TNFRSF10B: variants seen among roughly 807,000 people sequenced by gnomAD.
The protein encoded by TNFRSF10B is TNF receptor superfamily member 10b, also known as tumor necrosis factor receptor superfamily member 10B.
A neutral mutation model predicts 41.4 loss-of-function variants in TNFRSF10B; 35 were observed. That is an observed-to-expected ratio of 0.85 (90% CI 0.65 to 1.12). TNFRSF10B has a LOEUF of 1.12. TNFRSF10B is among the 50% of genes most tolerant of loss of function. TNFRSF10B has a pLI of 0.00. For missense variants in TNFRSF10B, 584 were observed against 552.7 expected (o/e 1.06, Z -0.57); for synonymous variants, 230 against 215.5 (o/e 1.07, Z -0.59).
At chr8:23,023,696 T>C (rs932098460) in intron 8 of TNFRSF10B, among the ~76,000 whole-genome samples, 1 of 152,250 alleles carries the variant, frequency 6.6e-6, no homozygotes. Context: ...TGTATGGTAC[T>C]GAATATATTT....
intron 1 of TNFRSF10B, among the ~76,000 whole-genome samples, chr8:23,045,060 C>CAAAAAAAAAAA (rs35953846): frequency 0.018 from 679 of 37,986 alleles, no homozygotes; most frequent in Non-Finnish European, 0.023. Context: ...TAATAAAATA[C>CAAAAAAAAAAA]AAAAAAAAAA....
At position 23,021,859 on chromosome 8, in the gene TNFRSF10B, TCTC is replaced by T. The variant is rs1286098509; in HGVS notation, c.*809_*811del. On this transcript the variant is annotated 3_prime_UTR_variant, in exon 9 of 9. Coordinates refer to ENST00000276431, the MANE Select transcript of TNFRSF10B (RefSeq NM_003842.5). ...CTTCTTCTTCTTCCCCCATTGTATG[TCTC>T]CTCCTTTTATGTTTATCTAATCTAT... 3 of 454,138 alleles carry T rather than the reference TCTC, an allele frequency of 6.6e-6. No individual in the cohort carries two copies. Among genetic ancestry groups the T allele is most frequent in the African/African-American group, 2.0e-5 (1 of 50,130 alleles). The allele number at this position is 454,138 out of a possible 1,614,324, so 28.1% of individuals were successfully genotyped here.
intron 2 of TNFRSF10B, among the ~76,000 whole-genome samples, chr8:23,041,578 TAAGAATTC>T (rs779681385): frequency 1.3e-4 from 19 of 141,152 alleles, no homozygotes; most frequent in Admixed American, 5.2e-4. Flanking sequence ...CCCTAATCTG[TAAGAATTC>T]ATGTGACTCA....
chr8:23,050,644 G>C (rs1405227026), intron 1 of TNFRSF10B, among the ~76,000 whole-genome samples: 1 of 152,186 alleles, frequency 6.6e-6, no homozygotes, highest in Non-Finnish European at 1.5e-5. Context: ...AAGAAAAAGT[G>C]TAATTTAGAC....
At chr8:23,042,211 T>C (rs893634261) in intron 2 of TNFRSF10B, among the ~76,000 whole-genome samples, 1 of 152,228 alleles carries the variant, frequency 6.6e-6, no homozygotes, top group African/African-American at 2.4e-5. Context: ...TCACGCTGGG[T>C]TCTTCCTTCT....
At chr8:23,040,353 A>G (rs1812147513) in intron 2 of TNFRSF10B, among the ~76,000 whole-genome samples, 1 of 45,836 alleles carries the variant, frequency 2.2e-5, no homozygotes, top group African/African-American at 7.6e-5. Flanking sequence ...AAATATATAC[A>G]AAATATATAT....
chr8:23,035,253 T>A (rs1342096040), intron 2 of TNFRSF10B, among the ~76,000 whole-genome samples: 1 of 152,116 alleles, frequency 6.6e-6, no homozygotes, highest in Non-Finnish European at 1.5e-5. Flanking sequence ...GCGATTCTCA[T>A]GCCTCAGCCT....
At chr8:23,044,376 G>A (rs1428981991) in intron 1 of TNFRSF10B, among the ~76,000 whole-genome samples, 1 of 152,264 alleles carries the variant, frequency 6.6e-6, no homozygotes, top group Admixed American at 6.5e-5. Flanking sequence ...CAACAGTGAA[G>A]GGGCAACCCA....
chr8:23,031,701 T>G (rs1198940825), intron 2 of TNFRSF10B, among the ~76,000 whole-genome samples: 2 of 151,898 alleles, frequency 1.3e-5, no homozygotes, highest in Non-Finnish European at 2.9e-5. Flanking sequence ...AGCCCACATA[T>G]GAAATTTAAA....
chr8:23,033,810 G>GA (rs1811955118), intron 2 of TNFRSF10B, among the ~76,000 whole-genome samples: 4 of 151,822 alleles, frequency 2.6e-5, no homozygotes, highest in Non-Finnish European at 5.9e-5. Flanking sequence ...GAAGAGGGGG[G>GA]GAGAGAGAGA....
At chr8:23,048,272 T>C (rs1441515268) in intron 1 of TNFRSF10B, among the ~76,000 whole-genome samples, 1 of 151,664 alleles carries the variant, frequency 6.6e-6, no homozygotes, top group Non-Finnish European at 1.5e-5. Context: ...CCTGTTTCTA[T>C]TAAAAATACA....
intron 1 of TNFRSF10B, among the ~76,000 whole-genome samples, chr8:23,046,330 C>G (rs1812356563): frequency 6.6e-6 from 1 of 151,642 alleles, no homozygotes; most frequent in African/African-American, 2.4e-5. Context: ...AGAAAACAAA[C>G]CTATTAAGAG....
chr8:23,021,411 A>G lies in TNFRSF10B; in HGVS notation c.*1260T>C, dbSNP rs1056124211. 6.6e-6 allele frequency: 3 copies of G among 454,030 alleles called. No homozygotes were observed. The highest frequency in any genetic ancestry group is 1.3e-5 in the Non-Finnish European group (3 of 226,808). The allele number at this position is 454,030 out of a possible 1,614,324, so 28.1% of individuals were successfully genotyped here. A position where few individuals can be genotyped will look rare whatever the true frequency, so the allele number is the denominator to read the frequency against. On this transcript the variant is annotated 3_prime_UTR_variant, in exon 9 of 9. Transcript: ENST00000276431. ...CGGGCCATCTACTCCTGAGATGGCAACCATTTCACACCATTCTCAAGCACC... is the reference window on the plus strand; with the variant it reads ...CGGGCCATCTACTCCTGAGATGGCAGCCATTTCACACCATTCTCAAGCACC...
Position 23,028,504 on chromosome 8 carries a change from G to GGCTGGGCT in TNFRSF10B, c.574_575insAGCCCAGC (p.Pro192GlnfsTer10), listed in dbSNP as rs1220912463. 6.2e-7 allele frequency: 1 copy of GGCTGGGCT among 1,614,048 alleles called. No individual in the cohort carries two copies. The highest frequency in any genetic ancestry group is 1.1e-5 in the South Asian group (1 of 91,074). On this transcript the variant is annotated frameshift_variant, in exon 5 of 9. Coordinates refer to ENST00000276431, the MANE Select transcript of TNFRSF10B (RefSeq NM_003842.5). LOFTEE classifies it high-confidence loss of function. ...GGAGGTCACCGTCTCCTCCACAGCT[G>GGCTGGGCT]GGACTTCCCCACTGTGCTTTGTACC...
chr8:23,039,660 C>T (rs1040076166), intron 2 of TNFRSF10B, among the ~76,000 whole-genome samples: 1 of 152,132 alleles, frequency 6.6e-6, no homozygotes, highest in Non-Finnish European at 1.5e-5. Flanking sequence ...ACCAAGTTGA[C>T]ACATAAAATC....
At chr8:23,056,228 A>G (rs1812660823) in intron 1 of TNFRSF10B, among the ~76,000 whole-genome samples, 1 of 152,030 alleles carries the variant, frequency 6.6e-6, no homozygotes, top group South Asian at 2.1e-4. Context: ...TACTGTCCTT[A>G]TAGAGTCATC....
At chr8:23,023,205 G>C (rs944799044) in intron 8 of TNFRSF10B, among the ~76,000 whole-genome samples, 1 of 152,126 alleles carries the variant, frequency 6.6e-6, no homozygotes, top group African/African-American at 2.4e-5. Flanking sequence ...AGTCGTCAGA[G>C]AATCAGCCCT....
Position 23,027,259 on chromosome 8 carries a change from A to G in TNFRSF10B, c.810T>C (p.Asn270=). The G allele has an allele frequency of 1.2e-6, 2 of 1,614,116 alleles. No individual in the cohort carries two copies. Among genetic ancestry groups the G allele is most frequent in the Non-Finnish European group, 1.7e-6 (2 of 1,180,024 alleles). Residue 270 remains asparagine (N), a synonymous_variant, in exon 7 of 9, where the codon AAT becomes AAC. Coordinates refer to ENST00000276431, the MANE Select transcript of TNFRSF10B (RefSeq NM_003842.5). ...AGATACTCACGATCTCATTGAGGACATTGTCCTCAGCCCCAGGTCGTTGTG... is the reference window on the plus strand; with the variant it reads ...AGATACTCACGATCTCATTGAGGACGTTGTCCTCAGCCCCAGGTCGTTGTG... ...RSSQRPGAED[N]VLNEIVSILQ...
chr8:23,042,453 A>T (rs922301605), intron 2 of TNFRSF10B, among the ~76,000 whole-genome samples: 1 of 152,212 alleles, frequency 6.6e-6, no homozygotes, highest in Non-Finnish European at 1.5e-5. Context: ...ACAGTCAAGC[A>T]CACTTCAGGC....
Sources: gnomAD v4.1 joint callset for allele counts (sites outside exome capture counted in the v4.1 genomes callset) on GRCh38, gnomAD v4.1.1 for gene constraint, MANE v1.5 for transcripts, NCBI Gene and HGNC (gene_info 2026-07-23, HGNC 2026-07-21) for gene names.